MEI4: variants seen among roughly 807,000 people sequenced by gnomAD.
MEI4 encodes meiotic double-stranded break formation protein 4.
In MEI4, 27 loss-of-function variants were observed where a neutral mutation model predicts 31.4. The observed-to-expected ratio is 0.86, with a 90% confidence interval of 0.63 to 1.19. The LOEUF (loss-of-function observed/expected upper bound fraction) is 1.19, where lower values mean the gene tolerates loss of function less well. Among genes scored for constraint, MEI4 ranks in the 50% most tolerant of loss-of-function variants. MEI4 has a pLI of 0.00. For missense variants in MEI4, 329 were observed against 398.9 expected (o/e 0.82, Z 1.49); for synonymous variants, 122 against 145.4 (o/e 0.84, Z 1.16).
intron 2 of MEI4, among the ~76,000 whole-genome samples, chr6:77,728,588 A>C (rs936489796): frequency 1.3e-5 from 2 of 152,244 alleles, no homozygotes; most frequent in Non-Finnish European, 2.9e-5. Flanking sequence ...GAACAAAATA[A>C]GCCAGATTGA....
At chr6:77,866,266 A>G (rs1226931634) in intron 4 of MEI4, among the ~76,000 whole-genome samples, 1 of 152,088 alleles carries the variant, frequency 6.6e-6, no homozygotes, top group East Asian at 1.9e-4. Flanking sequence ...AGGGTATTCA[A>G]TTAGGAAAAG....
intron 4 of MEI4, 71 bp from the exon 5 acceptor site, chr6:77,923,018 T>C (rs1036166898): frequency 3.5e-5 from 33 of 942,778 alleles, no homozygotes; most frequent in Admixed American, 4.3e-5. Flanking sequence ...GAAACTCTGA[T>C]ATCTTTATAT....
intron 4 of MEI4, among the ~76,000 whole-genome samples, chr6:77,835,827 A>G (rs887413484): frequency 5.9e-5 from 9 of 152,128 alleles, no homozygotes; most frequent in Non-Finnish European, 1.3e-4. Flanking sequence ...GATAATAGTT[A>G]AAATGAATAA....
intron 1 of MEI4, among the ~76,000 whole-genome samples, chr6:77,661,707 G>C (rs1214721725): frequency 1.3e-5 from 2 of 152,144 alleles, no homozygotes; most frequent in Non-Finnish European, 2.9e-5. Context: ...AAGAGGTTTT[G>C]AAATGACGAC....
intron 2 of MEI4, among the ~76,000 whole-genome samples, chr6:77,756,803 G>A (rs6925209): frequency 0.14 from 20,946 of 152,002 alleles, 1,528 homozygotes; most frequent in Middle Eastern, 0.21. Context: ...AAATATTAAA[G>A]ATGACAGAAG....
chr6:77,858,383 C>CA (rs1286587388), intron 4 of MEI4, among the ~76,000 whole-genome samples: 1 of 151,866 alleles, frequency 6.6e-6, no homozygotes, highest in East Asian at 1.9e-4. Context: ...TAATATTATT[C>CA]AAAAAATAAT....
At position 77,925,802 on chromosome 6, in the gene MEI4, T is replaced by A. The variant is rs1352212960; in HGVS notation, c.*2456T>A. ...ATTTTATATGAGAGTAAATATATAT[T>A]AAATATTTTATATACATTTATATAA... is the stretch of plus-strand genomic sequence containing the variant. On this transcript the variant is annotated 3_prime_UTR_variant, in exon 5 of 5. Coordinates refer to ENST00000684080, the MANE Select transcript of MEI4 (RefSeq NM_001322247.2). 4.9e-4 allele frequency: 72 copies of A among 148,194 alleles called. No homozygotes were observed. In the East Asian group the frequency reaches 0.012, roughly 25 times the overall value. 9.2% of individuals were successfully genotyped at this position (148,194 alleles called of 1,614,324 possible). A position where few individuals can be genotyped will look rare whatever the true frequency, so the allele number is the denominator to read the frequency against.
chr6:77,801,777 G>A (rs968436916), intron 3 of MEI4, among the ~76,000 whole-genome samples: 6 of 152,136 alleles, frequency 3.9e-5, no homozygotes, highest in Admixed American at 2.0e-4. Context: ...CCATGTAGTT[G>A]AGCGGTTTTG....
Position 77,926,240 on chromosome 6 carries a change from T to A in MEI4, c.*2894T>A, listed in dbSNP as rs1406755701. 7 of 151,944 alleles carry A rather than the reference T, an allele frequency of 4.6e-5. No individual in the cohort carries two copies. Among genetic ancestry groups the A allele is most frequent in the Non-Finnish European group, 8.8e-5 (6 of 67,950 alleles). 9.4% of individuals were successfully genotyped at this position (151,944 alleles called of 1,614,324 possible). Reference sequence around the variant, plus strand: ...AATTACTAGCTTATGATTAGCTTATTTTGGATTTTTTAATTGCTGTAAACA... The same window carrying A: ...AATTACTAGCTTATGATTAGCTTATATTGGATTTTTTAATTGCTGTAAACA... On this transcript the variant is annotated 3_prime_UTR_variant, in exon 5 of 5. Coordinates refer to ENST00000684080, the MANE Select transcript of MEI4 (RefSeq NM_001322247.2).
intron 2 of MEI4, among the ~76,000 whole-genome samples, chr6:77,750,038 G>A (rs1767727523): frequency 6.6e-6 from 1 of 152,172 alleles, no homozygotes; most frequent in South Asian, 2.1e-4. Flanking sequence ...AAGCGAAGGA[G>A]AAATAAAATT....
At chr6:77,855,353 A>T (rs1174521550) in intron 4 of MEI4, among the ~76,000 whole-genome samples, 2 of 152,182 alleles carry the variant, frequency 1.3e-5, no homozygotes, top group Admixed American at 1.3e-4. Context: ...TAAAAAAAAA[A>T]AAGACAATTA....
chr6:77,879,413 C>T (rs780247743), intron 4 of MEI4, among the ~76,000 whole-genome samples: 7 of 152,142 alleles, frequency 4.6e-5, no homozygotes, highest in Non-Finnish European at 8.8e-5. Flanking sequence ...TGCTAAACCA[C>T]ATGGATGGAG....
chr6:77,898,176 A>G (rs894325693), intron 4 of MEI4, among the ~76,000 whole-genome samples: 1 of 151,970 alleles, frequency 6.6e-6, no homozygotes, highest in African/African-American at 2.4e-5. Context: ...GCTTTCTCCT[A>G]TGCTTCAGAA....
chr6:77,698,234 G>A (rs542937031), intron 2 of MEI4, among the ~76,000 whole-genome samples: 1 of 152,248 alleles, frequency 6.6e-6, no homozygotes, highest in African/African-American at 2.4e-5. Context: ...TTGCCAGTCT[G>A]TGTCTTTTAA....
chr6:77,860,850 A>T (rs934519505), intron 4 of MEI4, among the ~76,000 whole-genome samples: 1 of 152,138 alleles, frequency 6.6e-6, no homozygotes, highest in African/African-American at 2.4e-5. Flanking sequence ...CTCCCTCTTC[A>T]TATGAACATT....
Position 77,924,864 on chromosome 6 carries a change from A to T in MEI4, c.*1518A>T, listed in dbSNP as rs1766808652. ...CTTGAGTGGGAGAACTTGCAGTTAC[A>T]GGGCAATGAGCATGGATGTAGGTAG... On this transcript the variant is annotated 3_prime_UTR_variant, in exon 5 of 5. Transcript: ENST00000684080. 1.3e-5 allele frequency: 2 copies of T among 151,932 alleles called. No individual in the cohort carries two copies. Among genetic ancestry groups the T allele is most frequent in the Non-Finnish European group, 2.9e-5 (2 of 67,910 alleles). The allele number at this position is 151,932 out of a possible 1,614,324, so 9.4% of individuals were successfully genotyped here. A position where few individuals can be genotyped will look rare whatever the true frequency, so the allele number is the denominator to read the frequency against.
chr6:77,908,754 G>A (rs1766359700), intron 4 of MEI4, among the ~76,000 whole-genome samples: 1 of 152,066 alleles, frequency 6.6e-6, no homozygotes, highest in Admixed American at 6.6e-5. Context: ...AGACAAAGAA[G>A]GCCATTACAT....
chr6:77,891,562 G>A (rs966772859), intron 4 of MEI4, among the ~76,000 whole-genome samples: 1 of 151,646 alleles, frequency 6.6e-6, no homozygotes, highest in African/African-American at 2.4e-5. Context: ...TTGCTCTCTT[G>A]TATCTCACTG....
chr6:77,892,818 A>G (rs1052826997), intron 4 of MEI4, among the ~76,000 whole-genome samples: 4 of 152,028 alleles, frequency 2.6e-5, no homozygotes, highest in Non-Finnish European at 5.9e-5. Flanking sequence ...CAAACAGTAT[A>G]TAGTTTGGTG....
Sources: allele counts gnomAD v4.1 joint callset (sites outside exome capture counted in the v4.1 genomes callset), GRCh38; gene constraint gnomAD v4.1.1; transcripts MANE v1.5; gene names NCBI Gene and HGNC (gene_info 2026-07-23, HGNC 2026-07-21).